Variants in IL23R observed in about 807,000 individuals in gnomAD.
The protein encoded by IL23R is interleukin 23 receptor, also known as interleukin-23 receptor.
IL23R carries 34 observed loss-of-function variants against 56.9 expected under a neutral mutation model. The observed-to-expected ratio is 0.60, with a 90% CI of 0.45 to 0.80. The LOEUF is 0.80. Ranked by LOEUF, IL23R falls within the 30% of genes least tolerant of loss-of-function variation. IL23R has a pLI of 0.00. For synonymous variants in IL23R, 230 were observed against 249.2 expected (o/e 0.92, Z 0.73); for missense variants, 635 against 730.0 (o/e 0.87, Z 1.50).
intron 8 of IL23R, among the ~76,000 whole-genome samples, chr1:67,238,809 A>T (rs1045249316): frequency 6.6e-6 from 1 of 152,206 alleles, no homozygotes; most frequent in African/African-American, 2.4e-5. Flanking sequence ...TGCTTCAAAT[A>T]GTCAGAAATA....
intron 6 of IL23R, among the ~76,000 whole-genome samples, chr1:67,209,451 C>T (rs566505108): frequency 1.1e-4 from 16 of 152,182 alleles, no homozygotes; most frequent in Non-Finnish European, 1.6e-4. Flanking sequence ...CCTGGGAGCC[C>T]GTCTTTCCCA....
At position 67,197,479 on chromosome 1, in the gene IL23R, C is replaced by T. The variant is rs530651495; in HGVS notation, c.492-3258C>T. On this transcript the variant is annotated intron_variant, in intron 4 of 10. Transcript: ENST00000347310. The stretch of plus-strand genomic sequence containing the variant: ...TCAAGAAATGGGAACTGAGGAAATT[C>T]TAGTGAAAATACTTCCATGTTACAA... 1.4e-4 allele frequency among the ~76,000 whole-genome samples: 22 copies of T among 152,210 alleles called. No individual in the cohort carries two copies. In the South Asian group the frequency reaches 3.5e-3, roughly 24 times the overall value.
chr1:67,238,627 A>T (rs953815160), intron 8 of IL23R, among the ~76,000 whole-genome samples: 21 of 152,160 alleles, frequency 1.4e-4, no homozygotes, highest in Non-Finnish European at 2.9e-4. Flanking sequence ...CACAGAGCTG[A>T]TAAGAGGCAG....
chr1:67,169,917 A>C (rs1452670037), intron 3 of IL23R, among the ~76,000 whole-genome samples: 1 of 152,178 alleles, frequency 6.6e-6, no homozygotes, highest in Non-Finnish European at 1.5e-5. Context: ...TGTACTCTCT[A>C]AATTTTAAAA....
chr1:67,238,442 T>A (rs1651636035), intron 8 of IL23R, among the ~76,000 whole-genome samples: 1 of 151,946 alleles, frequency 6.6e-6, no homozygotes, highest in East Asian at 1.9e-4. Context: ...AGTGCTTAGG[T>A]TCAGTACAGT....
chr1:67,197,839 G>A (rs1173096931), intron 4 of IL23R, among the ~76,000 whole-genome samples: 1 of 152,066 alleles, frequency 6.6e-6, no homozygotes, highest in Non-Finnish European at 1.5e-5. Context: ...AGGAGGCTGA[G>A]ATGGGAGGAC....
chr1:67,172,146 T>G (rs1034871855), intron 3 of IL23R, among the ~76,000 whole-genome samples: 4 of 152,174 alleles, frequency 2.6e-5, no homozygotes, highest in African/African-American at 9.7e-5. Context: ...AGCTCTACAT[T>G]CTTAGCAAAC....
chr1:67,182,754 G>A (rs774409044), intron 3 of IL23R, 82 bp from the exon 4 acceptor site: 3 of 1,480,550 alleles, frequency 2.0e-6, no homozygotes, highest in African/African-American at 1.4e-5. Flanking sequence ...GACTGGAGCT[G>A]TTCCTATTCA....
upstream of IL23R, among the ~76,000 whole-genome samples, chr1:67,163,219 A>G (rs1040015497): frequency 6.6e-6 from 1 of 152,148 alleles, no homozygotes; most frequent in African/African-American, 2.4e-5. Context: ...CTGTAATCCC[A>G]GCACTTTGGG....
At chr1:67,147,407 T>C (rs1558215046) in intron 1 of IL23R, among the ~76,000 whole-genome samples, 1 of 152,128 alleles carries the variant, frequency 6.6e-6, no homozygotes, top group Non-Finnish European at 1.5e-5. Flanking sequence ...AGGATAGAAA[T>C]ACTTTTTCTG....
chr1:67,161,995 A>G (rs184655718), upstream of IL23R, among the ~76,000 whole-genome samples: 48 of 152,268 alleles, frequency 3.2e-4, no homozygotes, highest in Non-Finnish European at 6.5e-4. Flanking sequence ...AACATTTCAA[A>G]GACGAAAAAA....
chr1:67,201,937 T>C (rs1648670921), intron 5 of IL23R, among the ~76,000 whole-genome samples: 1 of 152,250 alleles, frequency 6.6e-6, no homozygotes, highest in Non-Finnish European at 1.5e-5. Context: ...GTTTTCAGTT[T>C]TTAACCATAT....
At chr1:67,140,440 A>G (rs900936463) in intron 1 of IL23R, among the ~76,000 whole-genome samples, 7 of 152,180 alleles carry the variant, frequency 4.6e-5, no homozygotes, top group African/African-American at 1.7e-4. Flanking sequence ...ATACCTACAA[A>G]TGATCATTAA....
intron 7 of IL23R, among the ~76,000 whole-genome samples, chr1:67,232,217 A>G (rs188545750): frequency 2.0e-5 from 3 of 152,314 alleles, no homozygotes; most frequent in Admixed American, 1.3e-4. Context: ...AGCATGTATT[A>G]CTTGTGTAAT....
chr1:67,218,352 G>GTATATATATA (rs369692194), intron 6 of IL23R, among the ~76,000 whole-genome samples: 1 of 100,370 alleles, frequency 1.0e-5, no homozygotes, highest in Non-Finnish European at 2.2e-5. Flanking sequence ...GTGTGTGTGT[G>GTATATATATA]TGTGTGTATA....
chr1:67,234,496 A>G (rs1651326672), intron 7 of IL23R, among the ~76,000 whole-genome samples: 1 of 152,230 alleles, frequency 6.6e-6, no homozygotes, highest in Non-Finnish European at 1.5e-5. Flanking sequence ...AACTGAATGA[A>G]GTTTCATTGC....
chr1:67,150,981 T>C (rs867196865), intron 1 of IL23R, among the ~76,000 whole-genome samples: 1 of 152,320 alleles, frequency 6.6e-6, no homozygotes, highest in African/African-American at 2.4e-5. Context: ...AGTAATGAGA[T>C]GCTGGGTCAA....
rs533240863 is a variant in IL23R, at chr1:67,209,372, T to C, written c.798+2317T>C. Reference sequence around the variant, plus strand: ...ATGGTTTTGCTGTGCCCCCATCAAATCTCAACTTGAATTGTATCTCCCAGA... The same window carrying C: ...ATGGTTTTGCTGTGCCCCCATCAAACCTCAACTTGAATTGTATCTCCCAGA... On this transcript the variant is annotated intron_variant, in intron 6 of 10. Transcript: ENST00000347310. Among the ~76,000 whole-genome samples, 20 of 152,262 alleles carry C rather than the reference T, an allele frequency of 1.3e-4. No individual in the cohort carries two copies. In the East Asian group the frequency reaches 3.1e-3, roughly 24 times the overall value.
At chr1:67,238,769 G>T (rs1651662186) in intron 8 of IL23R, among the ~76,000 whole-genome samples, 2 of 152,148 alleles carry the variant, frequency 1.3e-5, no homozygotes, top group South Asian at 4.1e-4. Context: ...AATGCCCAAG[G>T]GTGTGTGGCA....
Sources: gnomAD v4.1 joint callset for allele counts (sites outside exome capture counted in the v4.1 genomes callset) on GRCh38, gnomAD v4.1.1 for gene constraint, MANE v1.5 for transcripts, NCBI Gene and HGNC (gene_info 2026-07-23, HGNC 2026-07-21) for gene names.